The following GNAI2 variants were observed in gnomAD, a reference collection of about 807,000 sequenced individuals.
GNAI2 encodes the protein G protein subunit alpha i2, also known as guanine nucleotide-binding protein G(i) subunit alpha-2.
In GNAI2, 4 loss-of-function variants were observed where a neutral mutation model predicts 36.8. The observed-to-expected ratio is 0.11, with a 90% CI of 0.05 to 0.25. GNAI2 has a LOEUF of 0.25. GNAI2 is among the 10% of genes least tolerant of loss of function. GNAI2 has a pLI of 1.00. For synonymous variants in GNAI2, 194 were observed against 194.1 expected, an observed-to-expected ratio of 1.00 and a Z score of 0.01; for missense variants, 230 against 481.3, an observed-to-expected ratio of 0.48 and a Z score of 4.89.
rs1208248014 is a variant in GNAI2, at chr3:50,252,647, G to A, written c.303+109G>A. ...AGCACTTTGGGACGCCGAGGCGGGT[G>A]GATCACCTGAGGTCAGGACCAGCCT... On this transcript the variant is annotated intron_variant, in intron 3 of 8. Coordinates refer to ENST00000313601, the MANE Select transcript of GNAI2 (RefSeq NM_002070.4). This position sits in a 1 kb window ranked among gnomAD's most constrained non-coding sequence, Gnocchi z 4.1. The A allele has an allele frequency of 7.5e-6, 7 of 936,764 alleles. No homozygotes were observed. In the African/African-American group the frequency reaches 8.1e-5, roughly 11 times the overall value. 58.0% of individuals were successfully genotyped at this position (936,764 alleles called of 1,614,324 possible). A position where few individuals can be genotyped will look rare whatever the true frequency, so the allele number is the denominator to read the frequency against.
chr3:50,236,142 C>A (rs1257650813), upstream of GNAI2: 7 of 1,143,242 alleles, frequency 6.1e-6, no homozygotes, highest in African/African-American at 9.8e-5. The surrounding 1 kb of genome is among the most constrained non-coding windows in gnomAD (Gnocchi z 4.0). Flanking sequence ...CTTGGTTCGC[C>A]CAGGCCCCAC....
upstream of GNAI2, among the ~76,000 whole-genome samples, chr3:50,234,835 G>A (rs1700132030): frequency 1.3e-5 from 2 of 152,190 alleles, 1 homozygote; most frequent in South Asian, 4.1e-4. Context: ...GTCCAATCGA[G>A]GGTGGGGCTC....
intron 1 of GNAI2, among the ~76,000 whole-genome samples, chr3:50,248,064 G>C (rs1208996281): frequency 6.6e-6 from 1 of 152,218 alleles, no homozygotes; most frequent in African/African-American, 2.4e-5. Flanking sequence ...GTGAAACCCT[G>C]TCTCTACTAA....
In GNAI2 at chr3:50,252,979, G is replaced by A. The variant is rs1559774507; in HGVS notation, c.304-45G>A. ...AGGTCTCCCTGCCTCTGGCAGAGTG[G>A]GGGTACATTCCTTCAACTGCCTGAC... On this transcript the variant is annotated intron_variant, in intron 3 of 8. Coordinates refer to ENST00000313601, the MANE Select transcript of GNAI2 (RefSeq NM_002070.4). This position sits in a 1 kb window ranked among gnomAD's most constrained non-coding sequence, Gnocchi z 4.1. 1 of 1,522,684 alleles carries A rather than the reference G, an allele frequency of 6.6e-7. No homozygotes were observed. The highest frequency in any genetic ancestry group is 8.9e-7 in the Non-Finnish European group (1 of 1,119,046). 94.3% of individuals were successfully genotyped at this position (1,522,684 alleles called of 1,614,324 possible).
At position 50,236,596 on chromosome 3, in the gene GNAI2, C is replaced by G; in HGVS notation, c.118+143C>G. 8.3e-7 allele frequency: 1 copy of G among 1,199,418 alleles called. No homozygotes were observed. The highest frequency in any genetic ancestry group is 1.1e-6 in the Non-Finnish European group (1 of 897,316). 74.3% of individuals were successfully genotyped at this position (1,199,418 alleles called of 1,614,324 possible). ...CCTGGGCCAGGACCAGGGTTGAAAACTCTAGATTGGACTAGACCTTTGATC... is the reference window on the plus strand; with the variant it reads ...CCTGGGCCAGGACCAGGGTTGAAAAGTCTAGATTGGACTAGACCTTTGATC... On this transcript the variant is annotated intron_variant, in intron 1 of 8. Transcript: ENST00000313601. The surrounding 1 kb of genome is among the most constrained non-coding windows in gnomAD (Gnocchi z 4.0).
Position 50,252,993 on chromosome 3 carries a change from C to A in GNAI2, c.304-31C>A. On this transcript the variant is annotated intron_variant, in intron 3 of 8. Transcript: ENST00000313601. This position sits in a 1 kb window ranked among gnomAD's most constrained non-coding sequence, Gnocchi z 4.1. ...CTGGCAGAGTGGGGGTACATTCCTT[C>A]AACTGCCTGACCACCCGCCACTGTG... 6.4e-7 allele frequency: 1 copy of A among 1,556,012 alleles called. No homozygotes were observed. Among genetic ancestry groups the A allele is most frequent in the South Asian group, 1.2e-5 (1 of 85,616 alleles).
At position 50,256,173 on chromosome 3, in the gene GNAI2, TC is replaced by T; in HGVS notation, c.465-16del. On this transcript the variant is annotated intron_variant, in intron 4 of 8. Coordinates refer to ENST00000313601, the MANE Select transcript of GNAI2 (RefSeq NM_002070.4). ...GCCCCATGCTGGCCCCCACTGACCC[TC>T]CCACCCCCCATCCCCAGCTACCTGA... 2 of 517,098 alleles carry T rather than the reference TC, an allele frequency of 3.9e-6. No individual in the cohort carries two copies. Among genetic ancestry groups the T allele is most frequent in the Non-Finnish European group, 6.6e-6 (2 of 302,332 alleles). 32.0% of individuals were successfully genotyped at this position (517,098 alleles called of 1,614,324 possible).
At chr3:50,251,808 G>C in intron 1 of GNAI2, 1 of 1,297,720 alleles carries the variant, frequency 7.7e-7, no homozygotes, top group Middle Eastern at 2.2e-4. Flanking sequence ...CTCCAGCCAA[G>C]ACCCCCCAGG....
In GNAI2 at chr3:50,255,161, G is replaced by A. The variant is rs1355144181; in HGVS notation, c.465-1031G>A. On this transcript the variant is annotated intron_variant, in intron 4 of 8. Transcript: ENST00000313601. The surrounding 1 kb of genome is among the most constrained non-coding windows in gnomAD (Gnocchi z 4.0). ...CTGGCCTGGTTTGGCCTGGGTGCTGGTGGGAGCCAAGGGCCAGCCCCAGCA... is the reference window on the plus strand; with the variant it reads ...CTGGCCTGGTTTGGCCTGGGTGCTGATGGGAGCCAAGGGCCAGCCCCAGCA... Among the ~76,000 whole-genome samples, 4 of 152,224 alleles carry A rather than the reference G, an allele frequency of 2.6e-5. No homozygotes were observed. The highest frequency in any genetic ancestry group is 5.9e-5 in the Non-Finnish European group (4 of 68,032).
chr3:50,235,903 C>T (rs587690968), upstream of GNAI2: 1 of 153,036 alleles, frequency 6.5e-6, no homozygotes, highest in African/African-American at 2.4e-5. Context: ...CAACAGAGCT[C>T]CCGGCGCTCC....
Position 50,231,051 on chromosome 3 carries a change from C to T in GNAI2, c.-39+53C>T. ...TTTTCTCGCTAGCCCTTCCCCAGAC[C>T]CCTGCCTCTCAGACCTACCACCCTA... is the stretch of plus-strand genomic sequence containing the variant. On this transcript the variant is annotated intron_variant, in intron 1 of 8. Coordinates refer to the GNAI2 transcript ENST00000266027. 3.4e-6 allele frequency: 2 copies of T among 592,614 alleles called. 1 individual carries two copies. Among genetic ancestry groups the T allele is most frequent in the Non-Finnish European group, 4.2e-6 (2 of 470,686 alleles). 36.7% of individuals were successfully genotyped at this position (592,614 alleles called of 1,614,324 possible).
chr3:50,245,295 G>A (rs1395158338), intron 1 of GNAI2, among the ~76,000 whole-genome samples: 3 of 152,170 alleles, frequency 2.0e-5, no homozygotes, highest in Admixed American at 6.5e-5. Context: ...ACCCCGCCCC[G>A]CCAGTGCCGT....
At chr3:50,246,102 G>A (rs1700413504) in intron 1 of GNAI2, among the ~76,000 whole-genome samples, 1 of 152,246 alleles carries the variant, frequency 6.6e-6, no homozygotes, top group Non-Finnish European at 1.5e-5. Flanking sequence ...AGGGGGGCCG[G>A]GGAGCAGCAC....
rs1202497611 is a variant in GNAI2 at position 50,241,343 on chromosome 3, C to CG, written c.118+4894dup. 6.6e-6 allele frequency among the ~76,000 whole-genome samples: 1 copy of CG among 152,164 alleles called. No individual in the cohort carries two copies. The highest frequency in any genetic ancestry group is 1.5e-5 in the Non-Finnish European group (1 of 68,026). ...CTTCCCACCCCTCCCCCAGGCTTGT[C>CG]GGGGCTTTGTCTGCAGGAGCAGGCA... On this transcript the variant is annotated intron_variant, in intron 1 of 8. Coordinates refer to ENST00000313601, the MANE Select transcript of GNAI2 (RefSeq NM_002070.4). The surrounding 1 kb of genome is among the most constrained non-coding windows in gnomAD (Gnocchi z 5.0).
rs1553702648 is a variant in GNAI2 at position 50,252,526 on chromosome 3, C to T, written c.291C>T (p.Asp97=). The change falls in exon 3 of 9, where the codon GAC becomes GAT. Residue 97 remains aspartate (D), a synonymous_variant. Transcript: ENST00000313601. This position sits in a 1 kb window ranked among gnomAD's most constrained non-coding sequence, Gnocchi z 4.1. ...AMGNLQIDFA[D]PSRADDARQL... Reference sequence around the variant, plus strand: ...GCAACCTGCAGATCGACTTTGCCGACCCCTCCAGAGCGGTATGTGCCCTCC... The same window carrying T: ...GCAACCTGCAGATCGACTTTGCCGATCCCTCCAGAGCGGTATGTGCCCTCC... 19 of 1,613,104 alleles carry T rather than the reference C, an allele frequency of 1.2e-5. No homozygotes were observed. Among genetic ancestry groups the T allele is most frequent in the Non-Finnish European group, 1.5e-5 (18 of 1,179,548 alleles).
chr3:50,256,172 CTCCCACCCCCCA>C lies in GNAI2; in HGVS notation c.465-15_465-4del. 1.5e-6 allele frequency: 2 copies of C among 1,345,634 alleles called. No homozygotes were observed. The highest frequency in any genetic ancestry group is 2.1e-6 in the Non-Finnish European group (2 of 956,384). 83.4% of individuals were successfully genotyped at this position (1,345,634 alleles called of 1,614,324 possible). On this transcript the variant is annotated splice_region_variant and splice_polypyrimidine_tract_variant and intron_variant, in intron 4 of 8. Transcript: ENST00000313601. Reference sequence around the variant, plus strand: ...AGCCCCATGCTGGCCCCCACTGACCCTCCCACCCCCCATCCCCAGCTACCTGAACGACCTGGA... The same window carrying C: ...AGCCCCATGCTGGCCCCCACTGACCCTCCCCAGCTACCTGAACGACCTGGA...
chr3:50,244,349 C>G (rs143174419), intron 1 of GNAI2, among the ~76,000 whole-genome samples: 2 of 152,230 alleles, frequency 1.3e-5, no homozygotes, highest in African/African-American at 4.8e-5. Flanking sequence ...CTTTTGACTT[C>G]CCACTTTTTC....
In GNAI2 at chr3:50,258,973, GC is replaced by G. The variant is rs782202930; in HGVS notation, c.*639del. 385 of 417,306 alleles carry G rather than the reference GC, an allele frequency of 9.2e-4. No individual in the cohort carries two copies. Among genetic ancestry groups the G allele is most frequent in the Admixed American group, 2.1e-3 (79 of 37,732 alleles). 25.9% of individuals were successfully genotyped at this position (417,306 alleles called of 1,614,324 possible). ...AAAACTGTCAGATCCTGACCAGCAAGCCCCCCCCCAGCCCCCCTTCCAAGTG... is the reference window on the plus strand; with the variant it reads ...AAAACTGTCAGATCCTGACCAGCAAGCCCCCCCCAGCCCCCCTTCCAAGTG... On this transcript the variant is annotated 3_prime_UTR_variant, in exon 9 of 9. Transcript: ENST00000313601.
At position 50,236,899 on chromosome 3, in the gene GNAI2, G is replaced by C. The variant is rs1553700472; in HGVS notation, c.118+446G>C. On this transcript the variant is annotated intron_variant, in intron 1 of 8. Transcript: ENST00000313601. This position sits in a 1 kb window ranked among gnomAD's most constrained non-coding sequence, Gnocchi z 4.0. ...TGAGCATCCCGCGGGGCCCCTGCCA[G>C]GCCCCCCACCCACTCCCTCCTTCTC... 2.0e-5 allele frequency among the ~76,000 whole-genome samples: 3 copies of C among 152,090 alleles called. No individual in the cohort carries two copies. The highest frequency in any genetic ancestry group is 4.4e-5 in the Non-Finnish European group (3 of 68,016).
Sources: allele counts gnomAD v4.1 joint callset (sites outside exome capture counted in the v4.1 genomes callset), GRCh38; gene constraint gnomAD v4.1.1; non-coding constraint Gnocchi (gnomAD v3.1); transcripts MANE v1.5; gene names NCBI Gene and HGNC (gene_info 2026-07-23, HGNC 2026-07-21).